ANKS1B: variants seen among roughly 807,000 people sequenced by gnomAD.
ANKS1B encodes ankyrin repeat and sterile alpha motif domain-containing protein 1B.
ANKS1B carries 36 observed loss-of-function variants against 148.3 expected under a neutral mutation model. The ratio of observed to expected loss-of-function variants is 0.24; its 90% confidence interval spans 0.19 to 0.32. The LOEUF is 0.32. Among genes scored for constraint, ANKS1B ranks in the 10% least tolerant of loss-of-function variants. The pLI is 1.00. For missense variants in ANKS1B, 1,157 were observed against 1,542.6 expected, an observed-to-expected ratio of 0.75 and a Z score of 4.19; for synonymous variants, 542 against 560.8, an observed-to-expected ratio of 0.97 and a Z score of 0.47.
chr12:99,415,984 C>T lies in ANKS1B; in HGVS notation c.1576-16173G>A, dbSNP rs185767783. On this transcript the variant is annotated intron_variant, in intron 11 of 26. Transcript: ENST00000683438. Reference sequence around the variant, plus strand: ...AGGCGTGAACCACCGCGCCAGGCCCCATTGCCCTTTTATAGCTACACTCAC... The same window carrying T: ...AGGCGTGAACCACCGCGCCAGGCCCTATTGCCCTTTTATAGCTACACTCAC... Among the ~76,000 whole-genome samples, 158 of 152,196 alleles carry T rather than the reference C, an allele frequency of 1.0e-3. No homozygotes were observed. The Middle Eastern group carries it at 0.014, about 13-fold the overall frequency.
At chr12:99,304,650 T>C (rs1471591324) in intron 12 of ANKS1B, among the ~76,000 whole-genome samples, 2 of 152,136 alleles carry the variant, frequency 1.3e-5, no homozygotes, top group African/African-American at 2.4e-5. Context: ...GCACATTTTC[T>C]CTGCCACCCT....
At chr12:99,038,644 G>A (rs116003341) in intron 17 of ANKS1B, among the ~76,000 whole-genome samples, 3,131 of 152,256 alleles carry the variant, frequency 0.021, 109 homozygotes, top group African/African-American at 0.071. Context: ...CTGATCCTGG[G>A]CCACCACTGT....
chr12:99,400,770 T>C (rs1476929773), intron 11 of ANKS1B, among the ~76,000 whole-genome samples: 1 of 145,278 alleles, frequency 6.9e-6, no homozygotes, highest in African/African-American at 2.6e-5. Context: ...TAAGGTAAAG[T>C]TTATTGTACT....
intron 9 of ANKS1B, among the ~76,000 whole-genome samples, chr12:99,646,448 G>A (rs2098365525): frequency 6.6e-6 from 1 of 152,032 alleles, no homozygotes; most frequent in Non-Finnish European, 1.5e-5. Context: ...ACGAGGTCAG[G>A]AGTTCGAGAC....
chr12:99,967,241 A>G (rs76442660), intron 1 of ANKS1B, among the ~76,000 whole-genome samples: 2,465 of 152,306 alleles, frequency 0.016, 70 homozygotes, highest in African/African-American at 0.054. Flanking sequence ...AGGCACTGTG[A>G]TAGATATTTT....
At chr12:99,518,955 A>G (rs892155738) in intron 9 of ANKS1B, among the ~76,000 whole-genome samples, 2 of 151,912 alleles carry the variant, frequency 1.3e-5, no homozygotes, top group African/African-American at 2.4e-5. Context: ...AAATTTTTCA[A>G]TTTCCTTCTT....
chr12:98,874,950 T>C (rs973107773), intron 17 of ANKS1B, among the ~76,000 whole-genome samples: 1 of 152,224 alleles, frequency 6.6e-6, no homozygotes, highest in African/African-American at 2.4e-5. Flanking sequence ...ATTTTACTCC[T>C]CTTTGAATTG....
At chr12:99,529,674 G>C (rs11833456) in intron 9 of ANKS1B, among the ~76,000 whole-genome samples, 1,541 of 152,076 alleles carry the variant, frequency 0.01, 37 homozygotes, top group African/African-American at 0.036. Flanking sequence ...AAAAGAAGAA[G>C]TAGTCATCAA....
At chr12:99,597,488 C>T (rs756444934) in intron 9 of ANKS1B, among the ~76,000 whole-genome samples, 6 of 151,944 alleles carry the variant, frequency 3.9e-5, no homozygotes, top group Admixed American at 1.3e-4. Context: ...TCATGTAAGA[C>T]GTTCTCTCAA....
chr12:98,807,090 A>C (rs1280109079), intron 20 of ANKS1B, among the ~76,000 whole-genome samples: 1 of 152,218 alleles, frequency 6.6e-6, no homozygotes, highest in Non-Finnish European at 1.5e-5. Context: ...AGAAATTCAA[A>C]AGGGTGTGAA....
intron 14 of ANKS1B, among the ~76,000 whole-genome samples, chr12:99,168,442 C>A (rs994302800): frequency 6.6e-6 from 1 of 151,114 alleles, no homozygotes; most frequent in South Asian, 2.1e-4. Context: ...TCACTTGAAC[C>A]TGGGAGGCAG....
chr12:98,764,541 G>A (rs545151428), intron 25 of ANKS1B, among the ~76,000 whole-genome samples: 1 of 152,294 alleles, frequency 6.6e-6, no homozygotes, highest in Non-Finnish European at 1.5e-5. Flanking sequence ...TCACTAACTT[G>A]TGAGGCATTG....
At chr12:99,646,381 G>C (rs528076072) in intron 9 of ANKS1B, among the ~76,000 whole-genome samples, 1 of 152,094 alleles carries the variant, frequency 6.6e-6, no homozygotes, top group Admixed American at 6.5e-5. Flanking sequence ...CAAGTGGGCT[G>C]GGCACGGTGG....
rs766358318 is a variant in ANKS1B, at chr12:99,246,687, G to A, written c.1934C>T (p.Pro645Leu). Reference protein sequence around the residue: ...GQDEVSLANSPLPFKQSPIEN... With the variant: ...GQDEVSLANSLLPFKQSPIEN... ...TATTGGAGACTGCTTGAAAGGCAAAGGACTGTTTGCCAAACTGACTTCATC... is the reference window on the plus strand; with the variant it reads ...TATTGGAGACTGCTTGAAAGGCAAAAGACTGTTTGCCAAACTGACTTCATC... The change falls in exon 13 of 27, where the codon CCT becomes CTT. Residue 645 changes from proline (P) to leucine (L), a missense_variant. By Grantham distance (98) the Pro-to-Leu change is moderately conservative. Coordinates refer to ENST00000683438, the MANE Select transcript of ANKS1B (RefSeq NM_001352186.2). 2.7e-5 allele frequency: 44 copies of A among 1,613,796 alleles called. 1 individual carries two copies. The Admixed American group carries it at 6.7e-4, about 24-fold the overall frequency.
chr12:99,202,180 T>G (rs1197595973), intron 14 of ANKS1B, among the ~76,000 whole-genome samples: 1 of 152,230 alleles, frequency 6.6e-6, no homozygotes, highest in African/African-American at 2.4e-5. Context: ...TATTTCCTCT[T>G]CTGCCTTTCT....
At chr12:99,381,752 A>G (rs1247987705) in intron 12 of ANKS1B, among the ~76,000 whole-genome samples, 1 of 152,236 alleles carries the variant, frequency 6.6e-6, no homozygotes, top group African/African-American at 2.4e-5. Flanking sequence ...TGAAAGGTGG[A>G]AAACCGACTG....
chr12:99,255,768 G>A (rs2075183484), intron 12 of ANKS1B, among the ~76,000 whole-genome samples: 1 of 151,788 alleles, frequency 6.6e-6, no homozygotes, highest in South Asian at 2.1e-4. Flanking sequence ...AAATATATGG[G>A]GATATATATG....
Position 99,051,291 on chromosome 12 carries a change from A to G in ANKS1B, c.2778+1866T>C, listed in dbSNP as rs1233387399. 2.0e-5 allele frequency among the ~76,000 whole-genome samples: 3 copies of G among 152,234 alleles called. No individual in the cohort carries two copies. The East Asian group carries it at 5.8e-4, about 29-fold the overall frequency. ...CCTTACTTCAGTGAAAACATATAAT[A>G]GAGTCCTATTGAAATCCATTCTTTA... On this transcript the variant is annotated intron_variant, in intron 17 of 26. Transcript: ENST00000683438.
rs190841953 is a variant in ANKS1B at position 99,501,418 on chromosome 12, T to A, written c.1438+3058A>T. On this transcript the variant is annotated intron_variant, in intron 10 of 26. Transcript: ENST00000683438. ...TTTGCTTCCACTTGATACCTGAGGG[T>A]ATTAGTTTAAATGCATGAACTGACA... Among the ~76,000 whole-genome samples the A allele has an allele frequency of 7.0e-3, 1,059 of 152,190 alleles. 11 individuals carry two copies. Among genetic ancestry groups the A allele is most frequent in the African/African-American group, 0.024 (1,013 of 41,546 alleles).
Sources: gnomAD v4.1 joint callset for allele counts (sites outside exome capture counted in the v4.1 genomes callset) on GRCh38, gnomAD v4.1.1 for gene constraint, MANE v1.5 for transcripts, NCBI Gene and HGNC (gene_info 2026-07-23, HGNC 2026-07-21) for gene names.